Variants in LRP1B observed in about 807,000 individuals in gnomAD.
LRP1B encodes low-density lipoprotein receptor-related protein 1B.
Under a neutral mutation model 556.6 loss-of-function variants are expected in LRP1B, and 217 were observed. That is an observed-to-expected ratio of 0.39 (90% CI 0.35 to 0.44). LRP1B has a LOEUF of 0.44. LRP1B is among the 20% of genes least tolerant of loss of function. The pLI, the probability that LRP1B is intolerant of heterozygous loss-of-function variation, is 1.00. For missense variants in LRP1B, 5,053 were observed against 5,620.8 expected, an observed-to-expected ratio of 0.90 and a Z score of 3.23; for synonymous variants, 2,047 against 1,865.8, an observed-to-expected ratio of 1.10 and a Z score of -2.50.
At chr2:141,948,582 T>G (rs1324911813) in intron 1 of LRP1B, among the ~76,000 whole-genome samples, 1 of 151,840 alleles carries the variant, frequency 6.6e-6, no homozygotes, top group Non-Finnish European at 1.5e-5. Flanking sequence ...ATAATTACAT[T>G]TAAGAGAAAA....
chr2:141,381,777 C>A (rs1689652906), intron 3 of LRP1B, among the ~76,000 whole-genome samples: 1 of 151,980 alleles, frequency 6.6e-6, no homozygotes, highest in African/African-American at 2.4e-5. Context: ...AAACAAAAAA[C>A]CTGCCAGCAT....
chr2:140,905,296 G>C (rs995408302), intron 22 of LRP1B, among the ~76,000 whole-genome samples: 2 of 151,980 alleles, frequency 1.3e-5, no homozygotes, highest in African/African-American at 4.8e-5. Flanking sequence ...TTGTCCAACA[G>C]CTTAAGTCTA....
At chr2:142,060,892 G>A (rs185225900) in intron 1 of LRP1B, among the ~76,000 whole-genome samples, 1 of 151,962 alleles carries the variant, frequency 6.6e-6, no homozygotes, top group African/African-American at 2.4e-5. Flanking sequence ...AGGCATGAAA[G>A]CATAACCGTG....
chr2:140,263,525 T>C (rs759939749), intron 86 of LRP1B, among the ~76,000 whole-genome samples: 2 of 152,146 alleles, frequency 1.3e-5, no homozygotes, highest in Non-Finnish European at 2.9e-5. Flanking sequence ...TCAATTTATC[T>C]TTCCCCTCTC....
intron 67 of LRP1B, among the ~76,000 whole-genome samples, chr2:140,382,106 TAA>T (rs1242855973): frequency 1.3e-5 from 2 of 152,110 alleles, no homozygotes; most frequent in African/African-American, 4.8e-5. Flanking sequence ...TCTACTATCT[TAA>T]AAACTCTTAG....
intron 5 of LRP1B, among the ~76,000 whole-genome samples, chr2:141,240,551 CTTTT>C (rs1558953941): frequency 1.3e-5 from 2 of 151,896 alleles, no homozygotes; most frequent in African/African-American, 4.8e-5. Flanking sequence ...TGCTCCCTTT[CTTTT>C]TATTTTCATT....
At chr2:141,465,718 T>C (rs1682164335) in intron 3 of LRP1B, among the ~76,000 whole-genome samples, 1 of 151,758 alleles carries the variant, frequency 6.6e-6, no homozygotes, top group Non-Finnish European at 1.5e-5. Flanking sequence ...CCTGGCTAAA[T>C]TTTGTATTTT....
At chr2:142,045,606 A>C (rs1022204351) in intron 1 of LRP1B, among the ~76,000 whole-genome samples, 3 of 151,864 alleles carry the variant, frequency 2.0e-5, no homozygotes, top group African/African-American at 7.2e-5. Context: ...CATATTACTT[A>C]TTTTGCAACT....
At chr2:141,517,964 G>A (rs1226139085) in intron 2 of LRP1B, among the ~76,000 whole-genome samples, 1 of 152,072 alleles carries the variant, frequency 6.6e-6, no homozygotes, top group Non-Finnish European at 1.5e-5. Context: ...TATTTACTGA[G>A]CTCAAAACTA....
rs374369026 is a variant in LRP1B at position 141,822,130 on chromosome 2, C to CACAGAGAGAGAGAGAGAG, written c.83-11730_83-11729insCTCTCTCTCTCTCTCTGT. Among the ~76,000 whole-genome samples the CACAGAGAGAGAGAGAGAG allele has an allele frequency of 1.9e-3, 178 of 95,854 alleles. 1 individual carries two copies. Among genetic ancestry groups the CACAGAGAGAGAGAGAGAG allele is most frequent in the African/African-American group, 5.8e-3 (130 of 22,386 alleles). The allele number at this position is 95,854 out of a possible 152,430, so 62.9% of individuals were successfully genotyped here. A position where few individuals can be genotyped will look rare whatever the true frequency, so the allele number is the denominator to read the frequency against. On this transcript the variant is annotated intron_variant, in intron 1 of 90. Transcript: ENST00000389484. ...ACACACACACACACACACACACACA[C>CACAGAGAGAGAGAGAGAG]AGAGAGAGAGAGAGAGAGAGAGAGA...
chr2:140,431,444 T>C (rs1415487633), intron 66 of LRP1B, among the ~76,000 whole-genome samples: 2 of 152,132 alleles, frequency 1.3e-5, no homozygotes, highest in African/African-American at 4.8e-5. Flanking sequence ...CTATCTTCTG[T>C]CTAGTCGTAC....
At chr2:140,356,608 C>T (rs1359187729) in intron 74 of LRP1B, 132 bp from the exon 75 acceptor site, 2 of 607,978 alleles carry the variant, frequency 3.3e-6, no homozygotes, top group Non-Finnish European at 5.7e-6. Flanking sequence ...AGGTTACGGT[C>T]TTCTCTCCAT....
At chr2:142,085,098 T>C (rs1705865601) in intron 1 of LRP1B, among the ~76,000 whole-genome samples, 1 of 152,140 alleles carries the variant, frequency 6.6e-6, no homozygotes, top group Non-Finnish European at 1.5e-5. Context: ...ACTCAGAAAT[T>C]CTTATTTACT....
At chr2:141,577,877 G>T (rs570364529) in intron 2 of LRP1B, among the ~76,000 whole-genome samples, 1 of 152,244 alleles carries the variant, frequency 6.6e-6, no homozygotes, top group Admixed American at 6.5e-5. Context: ...TTTAGAAGTA[G>T]CAAAATCAAG....
intron 66 of LRP1B, among the ~76,000 whole-genome samples, chr2:140,407,860 G>GA: frequency 6.6e-6 from 1 of 151,836 alleles, no homozygotes. Flanking sequence ...GTCATTATAT[G>GA]AAAAAGACAC....
chr2:140,953,548 T>C (rs1695783473), intron 18 of LRP1B, among the ~76,000 whole-genome samples: 1 of 152,230 alleles, frequency 6.6e-6, no homozygotes, highest in African/African-American at 2.4e-5. Flanking sequence ...TTTCAAATTG[T>C]ATTCTCTGCA....
intron 2 of LRP1B, among the ~76,000 whole-genome samples, chr2:141,638,980 A>G (rs1393763895): frequency 4.3e-5 from 3 of 69,558 alleles, no homozygotes; most frequent in South Asian, 8.6e-4. Context: ...GCTACCTTAG[A>G]GTCTCAAAAA....
chr2:141,797,253 T>A (rs1310789974), intron 2 of LRP1B, among the ~76,000 whole-genome samples: 1 of 148,714 alleles, frequency 6.7e-6, no homozygotes, highest in Non-Finnish European at 1.5e-5. Flanking sequence ...TGGACTTATT[T>A]TTTAAATCTC....
At chr2:141,292,926 A>C (rs1032605769) in intron 3 of LRP1B, among the ~76,000 whole-genome samples, 1 of 152,198 alleles carries the variant, frequency 6.6e-6, no homozygotes, top group Non-Finnish European at 1.5e-5. Flanking sequence ...ATACCCTATT[A>C]GTTTATCATA....
Sources: gnomAD v4.1 joint callset for allele counts (sites outside exome capture counted in the v4.1 genomes callset) on GRCh38, gnomAD v4.1.1 for gene constraint, MANE v1.5 for transcripts, NCBI Gene and HGNC (gene_info 2026-07-23, HGNC 2026-07-21) for gene names.